PTPRT: variants seen among roughly 807,000 people sequenced by gnomAD.
PTPRT encodes the protein protein tyrosine phosphatase receptor type T.
PTPRT carries 56 observed loss-of-function variants against 176.8 expected under a neutral mutation model. The observed-to-expected ratio is 0.32, with a 90% CI of 0.26 to 0.40. The LOEUF is 0.40. PTPRT is among the 10% of genes least tolerant of loss of function. PTPRT has a pLI of 1.00. For missense variants in PTPRT, 1,540 were observed against 1,908.2 expected (o/e 0.81, Z 3.60); for synonymous variants, 783 against 739.0 (o/e 1.06, Z -0.96).
chr20:42,437,439 A>C (rs966401557), intron 9 of PTPRT, among the ~76,000 whole-genome samples: 1 of 152,242 alleles, frequency 6.6e-6, no homozygotes, highest in Non-Finnish European at 1.5e-5. Flanking sequence ...CTGTTTGCAC[A>C]ACCCACTATT....
intron 7 of PTPRT, among the ~76,000 whole-genome samples, chr20:42,590,010 T>A (rs1266932833): frequency 6.6e-6 from 1 of 152,056 alleles, no homozygotes; most frequent in Non-Finnish European, 1.5e-5. Flanking sequence ...GCTGGACCAA[T>A]GGAGTATGGA....
At chr20:42,092,337 A>C (rs1984709818) in intron 27 of PTPRT, among the ~76,000 whole-genome samples, 1 of 152,234 alleles carries the variant, frequency 6.6e-6, no homozygotes, top group African/African-American at 2.4e-5. Flanking sequence ...AATTCTCAGA[A>C]ATGTTGGGGA....
At chr20:42,934,726 G>A (rs1568687628) in intron 1 of PTPRT, among the ~76,000 whole-genome samples, 1 of 152,162 alleles carries the variant, frequency 6.6e-6, no homozygotes, top group Non-Finnish European at 1.5e-5. Flanking sequence ...TCATCAGCAA[G>A]TAAATGAGAG....
intron 1 of PTPRT, among the ~76,000 whole-genome samples, chr20:43,168,302 C>T (rs1352179742): frequency 6.6e-6 from 1 of 152,196 alleles, no homozygotes; most frequent in African/African-American, 2.4e-5. Flanking sequence ...GAAAATCAAA[C>T]CATGTCATTG....
intron 1 of PTPRT, among the ~76,000 whole-genome samples, chr20:42,966,006 G>C (rs1982273140): frequency 1.3e-5 from 2 of 152,196 alleles, no homozygotes; most frequent in Non-Finnish European, 2.9e-5. Context: ...AGAAGCTATG[G>C]TCTCAGTCCA....
chr20:42,171,098 T>C (rs1990062286), intron 16 of PTPRT, among the ~76,000 whole-genome samples: 1 of 152,048 alleles, frequency 6.6e-6, no homozygotes, highest in Non-Finnish European at 1.5e-5. Flanking sequence ...AATTATACAG[T>C]AAATAGTTTT....
chr20:43,005,193 G>C (rs953325442), intron 1 of PTPRT, among the ~76,000 whole-genome samples: 3 of 152,004 alleles, frequency 2.0e-5, no homozygotes, highest in Admixed American at 6.6e-5. Flanking sequence ...TCCTCCATTG[G>C]TTTCTTACTG....
At chr20:42,594,152 A>G (rs2145767842) in intron 7 of PTPRT, among the ~76,000 whole-genome samples, 1 of 152,240 alleles carries the variant, frequency 6.6e-6, no homozygotes, top group Middle Eastern at 3.4e-3. Flanking sequence ...AGTGAGAGAC[A>G]TGTGGAAGAG....
Position 42,475,635 on chromosome 20 carries a change from C to T in PTPRT, c.1154-3073G>A, listed in dbSNP as rs62204919. On this transcript the variant is annotated intron_variant, in intron 7 of 30. Transcript: ENST00000373187. ...ATAGTGAGAGAAAGCCAAAATACTA[C>T]AAGGCAAAAATGACTTGGGTCTCAG... Among the ~76,000 whole-genome samples the T allele has an allele frequency of 7.9e-3, 1,210 of 152,254 alleles. 11 individuals are homozygous for T. Among genetic ancestry groups the T allele is most frequent in the Middle Eastern group, 0.014 (4 of 294 alleles).
At chr20:42,050,270 C>T in the PTPRT span, among the ~76,000 whole-genome samples, 1 of 152,024 alleles carries the variant, frequency 6.6e-6, no homozygotes, top group Non-Finnish European at 1.5e-5. Flanking sequence ...TTGTCTGAGG[C>T]GTTTGGTCTC....
chr20:42,275,938 C>T (rs985975040), intron 13 of PTPRT, among the ~76,000 whole-genome samples: 1 of 152,142 alleles, frequency 6.6e-6, no homozygotes, highest in Admixed American at 6.5e-5. Context: ...ACCCTCCAGC[C>T]ACACAGTCTG....
intron 7 of PTPRT, among the ~76,000 whole-genome samples, chr20:42,633,790 T>A (rs1439989666): frequency 6.2e-3 from 332 of 53,478 alleles, no homozygotes; most frequent in Non-Finnish European, 8.4e-3. Context: ...TGAAAATATA[T>A]ATATATATAT....
intron 20 of PTPRT, among the ~76,000 whole-genome samples, chr20:42,119,631 T>A (rs1224702905): frequency 6.6e-6 from 1 of 152,244 alleles, no homozygotes; most frequent in Non-Finnish European, 1.5e-5. Context: ...CTCTCCCTCC[T>A]GACCAAGTGA....
chr20:42,288,130 T>G (rs2057261359), intron 12 of PTPRT, among the ~76,000 whole-genome samples: 1 of 152,030 alleles, frequency 6.6e-6, no homozygotes, highest in Non-Finnish European at 1.5e-5. Context: ...ATGAGTATAC[T>G]AAACTTAAAT....
At chr20:42,469,398 T>G (rs2145914203) in intron 8 of PTPRT, among the ~76,000 whole-genome samples, 1 of 151,782 alleles carries the variant, frequency 6.6e-6, no homozygotes, top group Middle Eastern at 3.4e-3. Flanking sequence ...AGAGATGGGG[T>G]TTCACCACAG....
At position 42,859,226 on chromosome 20, in the gene PTPRT, T is replaced by C. The variant is rs144733690; in HGVS notation, c.214+26581A>G. 2.8e-3 allele frequency among the ~76,000 whole-genome samples: 433 copies of C among 152,332 alleles called. 2 individuals are homozygous for C. The highest frequency in any genetic ancestry group is 9.9e-3 in the African/African-American group (413 of 41,574). ...TCCCAAATGACCCTCACAGCCACTT[T>C]GTGAAGCAAGTTGATTTATCTTCTC... On this transcript the variant is annotated intron_variant, in intron 2 of 30. Transcript: ENST00000373187.
chr20:42,616,528 C>G (rs1265330574), intron 7 of PTPRT, among the ~76,000 whole-genome samples: 3 of 127,728 alleles, frequency 2.3e-5, no homozygotes, highest in Non-Finnish European at 4.8e-5. Context: ...TTACCTTGGG[C>G]AGTATGGCCA....
intron 18 of PTPRT, among the ~76,000 whole-genome samples, chr20:42,136,232 C>CTTTTTTTTTT (rs397864699): frequency 1.6e-5 from 1 of 63,036 alleles, no homozygotes; most frequent in Non-Finnish European, 2.7e-5. Context: ...AAGAACAGTG[C>CTTTTTTTTTT]TTTTTTTTTT....
chr20:42,753,160 A>G (rs1357285781), intron 6 of PTPRT, among the ~76,000 whole-genome samples: 1 of 152,164 alleles, frequency 6.6e-6, no homozygotes, highest in Non-Finnish European at 1.5e-5. Context: ...ACCAGGTAAC[A>G]GCAAGACCAC....
Sources: gnomAD v4.1 joint callset for allele counts (sites outside exome capture counted in the v4.1 genomes callset) on GRCh38, gnomAD v4.1.1 for gene constraint, MANE v1.5 for transcripts, NCBI Gene and HGNC (gene_info 2026-07-23, HGNC 2026-07-21) for gene names.